The following SPATA16 variants were observed in gnomAD, a reference collection of about 807,000 sequenced individuals.
SPATA16 encodes the protein spermatogenesis associated 16.
In SPATA16, 36 loss-of-function variants were observed where a neutral mutation model predicts 63.3. The observed-to-expected ratio is 0.57, with a 90% CI of 0.44 to 0.75. The LOEUF (loss-of-function observed/expected upper bound fraction) is 0.75, where lower values mean the gene tolerates loss of function less well. Ranked by LOEUF, SPATA16 falls within the 30% of genes least tolerant of loss-of-function variation. The pLI, the probability that SPATA16 is intolerant of heterozygous loss-of-function variation, is 0.00. For synonymous variants in SPATA16, 203 were observed against 216.7 expected (o/e 0.94, Z 0.56); for missense variants, 646 against 679.3 (o/e 0.95, Z 0.54).
intron 4 of SPATA16, among the ~76,000 whole-genome samples, chr3:173,002,791 G>T (rs1173764550): frequency 1.3e-5 from 2 of 152,168 alleles, no homozygotes; most frequent in Non-Finnish European, 2.9e-5. Context: ...TGTGGACAGA[G>T]CTGATATTGA....
chr3:172,920,763 G>A (rs543445675), intron 8 of SPATA16, among the ~76,000 whole-genome samples: 1 of 152,094 alleles, frequency 6.6e-6, no homozygotes, highest in South Asian at 2.1e-4. Context: ...AGAATTCTTG[G>A]CATTGTTTAA....
chr3:172,930,427 A>G (rs1249392132), intron 6 of SPATA16, among the ~76,000 whole-genome samples: 1 of 152,110 alleles, frequency 6.6e-6, no homozygotes, highest in African/African-American at 2.4e-5. Flanking sequence ...CTCAGAAACA[A>G]CTACCTAGTC....
chr3:173,071,984 C>T (rs1413906771), intron 2 of SPATA16, among the ~76,000 whole-genome samples: 3 of 152,166 alleles, frequency 2.0e-5, no homozygotes, highest in South Asian at 2.1e-4. Context: ...ATTAATCCAT[C>T]CATTGTGGAA....
At chr3:172,905,083 T>A (rs545830926) in intron 10 of SPATA16, among the ~76,000 whole-genome samples, 1 of 152,230 alleles carries the variant, frequency 6.6e-6, no homozygotes, top group East Asian at 1.9e-4. Flanking sequence ...GCACTTAGGT[T>A]TCTTTCCCTG....
At chr3:172,940,464 G>C (rs1733119058) in intron 6 of SPATA16, among the ~76,000 whole-genome samples, 1 of 152,136 alleles carries the variant, frequency 6.6e-6, no homozygotes, top group South Asian at 2.1e-4. Context: ...AGCAGAATTA[G>C]CTTTCCGAAA....
At chr3:172,932,303 A>G (rs1218320730) in intron 6 of SPATA16, among the ~76,000 whole-genome samples, 1 of 152,134 alleles carries the variant, frequency 6.6e-6, no homozygotes, top group Non-Finnish European at 1.5e-5. Context: ...GTCTATCATT[A>G]CTTTTCTATA....
chr3:173,019,207 G>A (rs16846422), intron 4 of SPATA16, among the ~76,000 whole-genome samples: 2,602 of 152,116 alleles, frequency 0.017, 70 homozygotes, highest in African/African-American at 0.059. Context: ...GAGAGCAAGA[G>A]GTCAAGCGCA....
At chr3:173,128,766 G>A (rs1285691203) in intron 1 of SPATA16, among the ~76,000 whole-genome samples, 1 of 152,252 alleles carries the variant, frequency 6.6e-6, no homozygotes, top group Non-Finnish European at 1.5e-5. Context: ...AATACTAAAT[G>A]CTAGAGCAAG....
intron 2 of SPATA16, among the ~76,000 whole-genome samples, chr3:173,110,884 C>G (rs1515439): frequency 0.37 from 55,751 of 152,086 alleles, 11,951 homozygotes; most frequent in African/African-American, 0.6. Flanking sequence ...ATAAATCCTT[C>G]TCAGAGTTGT....
rs146640459 is a variant in SPATA16, at chr3:172,916,328, C to A, written c.1492G>T (p.Glu498Ter). Residue 498 changes from glutamate to a stop codon, truncating the protein, a stop_gained, in exon 9 of 11, where the codon GAG (glutamate) becomes TAG (stop). Transcript: ENST00000351008. LOFTEE classifies it high-confidence loss of function. ...IPYLQDISQQ[E>*]AELLQSLMAD... is the part of the protein sequence containing the mutation. Reference sequence around the variant, plus strand: ...AGAAAAATACTTACCAATTCTGCCTCCTGTTGACTGATGTCCTGTAGGTAG... The same window carrying A: ...AGAAAAATACTTACCAATTCTGCCTACTGTTGACTGATGTCCTGTAGGTAG... The A allele has an allele frequency of 1.4e-5, 23 of 1,613,274 alleles. No individual in the cohort carries two copies. The highest frequency in any genetic ancestry group is 1.8e-5 in the Non-Finnish European group (21 of 1,179,566).
rs369079039 is a variant in SPATA16, at chr3:172,896,481, A to G, written c.1588-6789T>C. Among the ~76,000 whole-genome samples the G allele has an allele frequency of 3.5e-4, 53 of 152,288 alleles. No homozygotes were observed. The South Asian group carries it at 8.3e-3, about 24-fold the overall frequency. Reference sequence around the variant, plus strand: ...CGTGATCCGCCTGCCTTGGCCTCCCAAAGTGCTGGGATTACAGGCGTGAGC... The same window carrying G: ...CGTGATCCGCCTGCCTTGGCCTCCCGAAGTGCTGGGATTACAGGCGTGAGC... On this transcript the variant is annotated intron_variant, in intron 10 of 10. Transcript: ENST00000351008.
chr3:173,099,015 T>C (rs185014121), intron 2 of SPATA16, among the ~76,000 whole-genome samples: 4 of 152,264 alleles, frequency 2.6e-5, no homozygotes, highest in African/African-American at 9.6e-5. Context: ...TCCCCAATCA[T>C]CAACACTGTC....
chr3:172,938,043 G>A (rs999339255), intron 6 of SPATA16, among the ~76,000 whole-genome samples: 2 of 152,122 alleles, frequency 1.3e-5, no homozygotes, highest in Non-Finnish European at 2.9e-5. Context: ...TCATATGCAA[G>A]CCACGTAAGA....
intron 2 of SPATA16, among the ~76,000 whole-genome samples, chr3:173,102,646 C>T (rs115544491): frequency 6.6e-6 from 1 of 152,288 alleles, no homozygotes; most frequent in South Asian, 2.1e-4. Context: ...AACACCTCCC[C>T]CCAGGCCCCA....
At chr3:173,075,217 A>C (rs752878752) in intron 2 of SPATA16, among the ~76,000 whole-genome samples, 83 of 151,938 alleles carry the variant, frequency 5.5e-4, no homozygotes, top group Admixed American at 3.8e-3. Context: ...TAGAAGAGGA[A>C]ATTTTTAAAA....
chr3:173,049,218 G>A (rs530309349), intron 2 of SPATA16, 124 bp from the exon 3 acceptor site: 380 of 1,032,742 alleles, frequency 3.7e-4, no homozygotes, highest in South Asian at 2.4e-3. Flanking sequence ...TATGTTTTGC[G>A]TATATGTTAA....
At chr3:173,002,040 A>G (rs1560093077) in intron 4 of SPATA16, among the ~76,000 whole-genome samples, 2 of 152,272 alleles carry the variant, frequency 1.3e-5, no homozygotes, top group South Asian at 2.1e-4. Flanking sequence ...CCACACATTT[A>G]TCTATCAAAT....
chr3:172,962,738 C>T (rs2108240575), intron 5 of SPATA16, among the ~76,000 whole-genome samples: 1 of 149,414 alleles, frequency 6.7e-6, no homozygotes, highest in East Asian at 2.0e-4. Flanking sequence ...TCAAAGGAAG[C>T]AGTACTATAC....
Position 172,924,251 on chromosome 3 carries a change from C to T in SPATA16, c.1295G>A (p.Arg432Gln), listed in dbSNP as rs766291987. The T allele has an allele frequency of 1.1e-5, 18 of 1,613,286 alleles. No homozygotes were observed. The highest frequency in any genetic ancestry group is 3.3e-5 in the Admixed American group (2 of 59,984). ...AATAAAATCCAATATTGGCAAGATT[C>T]GCTTCCCCATTGTCTCCATTTGCCT... ...TVRQMETMGK[R>Q]ILPILDFIRS... Residue 432 changes from arginine to glutamine, a missense_variant, in exon 8 of 11, where the codon CGA becomes CAA. By Grantham distance (43) the Arg-to-Gln change is conservative. Coordinates refer to ENST00000351008, the MANE Select transcript of SPATA16 (RefSeq NM_031955.6).
Sources: allele counts gnomAD v4.1 joint callset (sites outside exome capture counted in the v4.1 genomes callset), GRCh38; gene constraint gnomAD v4.1.1; transcripts MANE v1.5; gene names NCBI Gene and HGNC (gene_info 2026-07-23, HGNC 2026-07-21).